ERI1: variants seen among roughly 807,000 people sequenced by gnomAD.
The protein encoded by ERI1 is exoribonuclease 1, also known as 3'-5' exoribonuclease 1.
In ERI1, 39 loss-of-function variants were observed where a neutral mutation model predicts 39.7. The observed-to-expected ratio is 0.98, with a 90% CI of 0.76 to 1.28. The LOEUF (loss-of-function observed/expected upper bound fraction) is 1.28. Ranked by LOEUF, ERI1 falls within the 50% of genes most tolerant of loss-of-function variation. The pLI is 0.00. For missense variants in ERI1, 581 were observed against 416.9 expected (o/e 1.39, Z -3.43); for synonymous variants, 204 against 149.6 (o/e 1.36, Z -2.65).
At chr8:9,053,121 A>G (rs542890242) in intron 3 of ERI1, among the ~76,000 whole-genome samples, 3 of 152,250 alleles carry the variant, frequency 2.0e-5, no homozygotes, top group South Asian at 2.1e-4. Flanking sequence ...GGTTCAAGAG[A>G]TTCTCCTGCC....
At chr8:9,078,206 T>G (rs1799266054) in intron 3 of ERI1, among the ~76,000 whole-genome samples, 1 of 152,194 alleles carries the variant, frequency 6.6e-6, no homozygotes, top group South Asian at 2.1e-4. Flanking sequence ...GTCAGGCTGG[T>G]CCTGAACTGC....
At chr8:9,048,551 C>T (rs1798252208) in intron 3 of ERI1, 1 of 154,038 alleles carries the variant, frequency 6.5e-6, no homozygotes, top group Admixed American at 6.5e-5. Context: ...TGTGGTCACT[C>T]TTCTGGTGGG....
At chr8:9,039,427 T>G (rs1797950709) in intron 3 of ERI1, among the ~76,000 whole-genome samples, 1 of 152,208 alleles carries the variant, frequency 6.6e-6, no homozygotes, top group Non-Finnish European at 1.5e-5. Flanking sequence ...GCTTGAAAAT[T>G]CAGGTTGTGT....
intron 1 of ERI1, among the ~76,000 whole-genome samples, chr8:9,006,673 A>G (rs1036838673): frequency 6.6e-6 from 1 of 152,158 alleles, no homozygotes; most frequent in African/African-American, 2.4e-5. Flanking sequence ...TCAACTAGCA[A>G]TACTTTTTTT....
chr8:9,059,313 A>G (rs1206690982), intron 3 of ERI1, among the ~76,000 whole-genome samples: 1 of 152,208 alleles, frequency 6.6e-6, no homozygotes, highest in Admixed American at 6.5e-5. Flanking sequence ...GAGGCCTGAC[A>G]TTCCTGTCTT....
chr8:9,023,249 C>A (rs771180657), intron 6 of ERI1, among the ~76,000 whole-genome samples: 4 of 151,422 alleles, frequency 2.6e-5, no homozygotes, highest in Admixed American at 6.6e-5. Flanking sequence ...GTTGTGTTTC[C>A]CCTTATCTGG....
At chr8:9,048,189 G>A (rs1477260635) in intron 3 of ERI1, among the ~76,000 whole-genome samples, 1 of 152,238 alleles carries the variant, frequency 6.6e-6, no homozygotes, top group Non-Finnish European at 1.5e-5. Context: ...CATCAAGGAA[G>A]CTGCGACCAG....
At chr8:9,056,903 G>A (rs575012606) in intron 3 of ERI1, among the ~76,000 whole-genome samples, 12 of 150,372 alleles carry the variant, frequency 8.0e-5, no homozygotes, top group African/African-American at 1.2e-4. Flanking sequence ...GCAAGATCTC[G>A]TCTCACTGTA....
intron 6 of ERI1, 136 bp downstream of exon 6, chr8:9,020,600 C>A: frequency 1.7e-6 from 1 of 576,520 alleles, no homozygotes; most frequent in Non-Finnish European, 3.0e-6. Flanking sequence ...CTTCAGATTC[C>A]AAATTCCTTA....
intron 3 of ERI1, among the ~76,000 whole-genome samples, chr8:9,075,251 G>C (rs984773562): frequency 6.6e-6 from 1 of 152,184 alleles, no homozygotes; most frequent in African/African-American, 2.4e-5. Context: ...TTGCAAGCAA[G>C]GTGAAATGCG....
chr8:9,093,076 T>C (rs1799758006), intron 3 of ERI1, among the ~76,000 whole-genome samples: 1 of 152,250 alleles, frequency 6.6e-6, no homozygotes, highest in African/African-American at 2.4e-5. Context: ...ATCAGTCATA[T>C]TAGATCAAGT....
rs755506888 is a variant in ERI1, at chr8:9,058,852, A to AATAG, written n.299+38391_299+38392insGATA. Among the ~76,000 whole-genome samples the AATAG allele has an allele frequency of 2.7e-5, 3 of 112,552 alleles. 1 individual carries two copies. The highest frequency in any genetic ancestry group is 1.1e-4 in the African/African-American group (3 of 28,418). 73.8% of individuals were successfully genotyped at this position (112,552 alleles called of 152,430 possible). A position where few individuals can be genotyped will look rare whatever the true frequency, so the allele number is the denominator to read the frequency against. On this transcript the variant is annotated intron_variant and non_coding_transcript_variant, in intron 3 of 3. Coordinates refer to the ERI1 transcript ENST00000518663. ...CAGCAACTTCATTGATAAATAAATA[A>AATAG]ATAAATAAATAAATAAATCTTTTAT...
At chr8:9,065,755 C>A in intron 3 of ERI1, among the ~76,000 whole-genome samples, 1 of 146,162 alleles carries the variant, frequency 6.8e-6, no homozygotes, top group African/African-American at 2.5e-5. Context: ...TAAAAGGAAA[C>A]TAAAAAATAC....
chr8:9,011,926 T>C (rs1816716537), intron 3 of ERI1, among the ~76,000 whole-genome samples, 174 bp downstream of exon 3: 1 of 152,216 alleles, frequency 6.6e-6, no homozygotes, highest in Non-Finnish European at 1.5e-5. Flanking sequence ...AACAAAGCAA[T>C]TTTAGAGACT....
chr8:9,075,320 A>G (rs1799175160), intron 3 of ERI1, among the ~76,000 whole-genome samples: 1 of 152,284 alleles, frequency 6.6e-6, no homozygotes, highest in South Asian at 2.1e-4. Context: ...CATGTGTTAT[A>G]TACTATGAGG....
chr8:9,042,364 A>G (rs576614624), intron 3 of ERI1, among the ~76,000 whole-genome samples: 87 of 152,272 alleles, frequency 5.7e-4, no homozygotes, highest in African/African-American at 1.9e-3. Flanking sequence ...TTGAGATCCA[A>G]TTTCTTGAGT....
intron 6 of ERI1, among the ~76,000 whole-genome samples, chr8:9,021,605 CCCTT>C: frequency 1.3e-5 from 2 of 152,122 alleles, no homozygotes; most frequent in Admixed American, 1.3e-4. Flanking sequence ...CCACTTAACT[CCCTT>C]CCTTCCTCCT....
Position 9,015,722 on chromosome 8 carries a change from C to CAAAAAAAAAAAAAAA in ERI1, c.499-595_499-581dup, listed in dbSNP as rs758835506. ...GGGAGACAGAGCGAGACTCTGTCTC[C>CAAAAAAAAAAAAAAA]AAAAAAAAAAAAAAAAAAAGAGACC... On this transcript the variant is annotated intron_variant, in intron 3 of 6. Coordinates refer to ENST00000250263, the MANE Select transcript of ERI1 (RefSeq NM_153332.4). 8.3e-4 allele frequency among the ~76,000 whole-genome samples: 47 copies of CAAAAAAAAAAAAAAA among 56,582 alleles called. 2 individuals are homozygous for CAAAAAAAAAAAAAAA. The highest frequency in any genetic ancestry group is 3.7e-3 in the African/African-American group (46 of 12,270). The allele number at this position is 56,582 out of a possible 152,430, so 37.1% of individuals were successfully genotyped here.
chr8:9,070,903 G>C (rs536896662), intron 3 of ERI1, among the ~76,000 whole-genome samples: 4 of 152,296 alleles, frequency 2.6e-5, no homozygotes, highest in Non-Finnish European at 5.9e-5. Flanking sequence ...GAATCATGGT[G>C]GTGGCCCCAG....
Sources: allele counts gnomAD v4.1 joint callset (sites outside exome capture counted in the v4.1 genomes callset), GRCh38; gene constraint gnomAD v4.1.1; transcripts MANE v1.5; gene names NCBI Gene and HGNC (gene_info 2026-07-23, HGNC 2026-07-21).